OVCH1: variants seen among roughly 807,000 people sequenced by gnomAD.
OVCH1 encodes the protein ovochymase-1.
Under a neutral mutation model 138.4 loss-of-function variants are expected in OVCH1, and 139 were observed. The ratio of observed to expected loss-of-function variants is 1.00; its 90% confidence interval spans 0.87 to 1.16. The LOEUF is 1.16. Ranked by LOEUF, OVCH1 falls within the 50% of genes most tolerant of loss-of-function variation. The pLI is 0.00. For missense variants in OVCH1, 1,367 were observed against 1,357.9 expected, an observed-to-expected ratio of 1.01 and a Z score of -0.11; for synonymous variants, 453 against 467.8, an observed-to-expected ratio of 0.97 and a Z score of 0.41.
chr12:29,490,816 T>C (rs1943252817), intron 5 of OVCH1, among the ~76,000 whole-genome samples: 1 of 152,220 alleles, frequency 6.6e-6, no homozygotes, highest in Non-Finnish European at 1.5e-5. Context: ...CTATTGTTGC[T>C]ATTTCCTGAT....
intron 8 of OVCH1, among the ~76,000 whole-genome samples, chr12:29,483,501 C>G (rs1942999299): frequency 6.6e-6 from 1 of 152,188 alleles, no homozygotes; most frequent in African/African-American, 2.4e-5. Context: ...ATCTTTCCAT[C>G]ATTTTAGTTT....
chr12:29,430,987 T>C (rs1941257644), intron 27 of OVCH1: 1 of 470,670 alleles, frequency 2.1e-6, no homozygotes, highest in Admixed American at 2.3e-5. Flanking sequence ...AAGGCTATGA[T>C]TGTATTTAAT....
chr12:29,476,358 A>C, intron 12 of OVCH1, 59 bp from the exon 13 acceptor site: 1 of 1,377,324 alleles, frequency 7.3e-7, no homozygotes, highest in South Asian at 1.2e-5. Context: ...AGAAGCTTAA[A>C]GGGTTTTCCT....
downstream of OVCH1, among the ~76,000 whole-genome samples, chr12:29,410,970 T>A (rs1383862246): frequency 6.6e-6 from 1 of 152,060 alleles, no homozygotes; most frequent in African/African-American, 2.4e-5. Flanking sequence ...GATTTGGTCT[T>A]TTCACATAGT....
At chr12:29,497,453 ACCTTC>A (rs1283623327) in intron 1 of OVCH1, among the ~76,000 whole-genome samples, 165 bp downstream of exon 1, 1 of 152,098 alleles carries the variant, frequency 6.6e-6, no homozygotes, top group East Asian at 1.9e-4. Context: ...TCTGGCCCAG[ACCTTC>A]CTTTGGGGAC....
intron 6 of OVCH1, among the ~76,000 whole-genome samples, chr12:29,488,620 C>CAAAA (rs67595567): frequency 0.014 from 825 of 59,618 alleles, no homozygotes; most frequent in Non-Finnish European, 0.017. Flanking sequence ...GACTCCATCT[C>CAAAA]AAAAAAAAAA....
Position 29,486,246 on chromosome 12 carries a change from A to C in OVCH1, c.995T>G (p.Ile332Ser), listed in dbSNP as rs748202361. 1.9e-6 allele frequency: 3 copies of C among 1,608,224 alleles called. No individual in the cohort carries two copies. Among genetic ancestry groups the C allele is most frequent in the Non-Finnish European group, 1.7e-6 (2 of 1,174,828 alleles). Residue 332 changes from isoleucine (I) to serine (S), a missense_variant and splice_region_variant, in exon 8 of 28, where the codon ATT becomes AGT. Coordinates refer to ENST00000318184, the Ensembl canonical transcript of OVCH1. ...CTTCCTTCTCTAATTAGAACCACAC[A>C]TACCCTTTCCTCTCTGGCTTCCATT...
At chr12:29,472,991 A>T in intron 15 of OVCH1, 38 bp downstream of exon 15, 1 of 1,523,568 alleles carries the variant, frequency 6.6e-7, no homozygotes, top group Non-Finnish European at 9.0e-7. Flanking sequence ...ATGAAGAAAC[A>T]AGATTAAACA....
At chr12:29,467,795 G>T (rs983619052) in intron 16 of OVCH1, among the ~76,000 whole-genome samples, 6 of 152,144 alleles carry the variant, frequency 3.9e-5, no homozygotes, top group Middle Eastern at 3.2e-3. Context: ...GAAATTCTCA[G>T]GCCCCACACC....
At chr12:29,469,303 C>A (rs1181553116) in intron 16 of OVCH1, among the ~76,000 whole-genome samples, 1 of 152,068 alleles carries the variant, frequency 6.6e-6, no homozygotes, top group Non-Finnish European at 1.5e-5. Context: ...TTCCCCAAAT[C>A]CATAACCTCA....
intron 25 of OVCH1, among the ~76,000 whole-genome samples, 188 bp from the exon 26 acceptor site, chr12:29,440,932 A>T (rs1016180039): frequency 3.9e-5 from 6 of 152,174 alleles, no homozygotes; most frequent in Middle Eastern, 3.2e-3. Flanking sequence ...AAAGCCATAC[A>T]TCCTCTTTCT....
chr12:29,403,803 G>A, the OVCH1 span, among the ~76,000 whole-genome samples: 2 of 152,308 alleles, frequency 1.3e-5, no homozygotes, highest in East Asian at 3.9e-4. Flanking sequence ...ATCCCTGTGA[G>A]TAAAGTTAAG....
the OVCH1 span, among the ~76,000 whole-genome samples, chr12:29,403,694 C>T: frequency 6.6e-6 from 1 of 152,246 alleles, no homozygotes; most frequent in South Asian, 2.1e-4. Context: ...AATTGACGTG[C>T]CTGATAAATA....
chr12:29,443,248 T>C (rs981887969), intron 25 of OVCH1, 113 bp downstream of exon 25: 7 of 1,031,532 alleles, frequency 6.8e-6, no homozygotes, highest in Non-Finnish European at 9.5e-6. Context: ...CAACATCCTA[T>C]AAGAAGAGAC....
chr12:29,471,881 T>C (rs761510399), exon 16 of OVCH1: 10 of 1,613,144 alleles, frequency 6.2e-6, no homozygotes, highest in Non-Finnish European at 5.1e-6. Flanking sequence ...CCTAGAAACC[T>C]CAGACCCACC....
At chr12:29,419,578 G>A (rs1160172451) in intron 3 of OVCH1, among the ~76,000 whole-genome samples, 1 of 152,082 alleles carries the variant, frequency 6.6e-6, no homozygotes, top group Non-Finnish European at 1.5e-5. Context: ...ACAGGCATGA[G>A]CCACTGCGCC....
At chr12:29,459,185 A>G (rs745725119) in intron 19 of OVCH1, among the ~76,000 whole-genome samples, 30 of 152,202 alleles carry the variant, frequency 2.0e-4, no homozygotes, top group Admixed American at 1.0e-3. Context: ...CTGCACTCCC[A>G]TGTCTATTGC....
At chr12:29,455,320 ACACAGCCAGCTC>A (rs1301011281) in exon 20 of OVCH1, 2 of 1,613,736 alleles carry the variant, frequency 1.2e-6, no homozygotes, top group African/African-American at 2.7e-5. Flanking sequence ...CCATGGCTGG[ACACAGCCAGCTC>A]CCCAGCTGAC....
At chr12:29,445,604 G>T (rs1941593027) in intron 22 of OVCH1, among the ~76,000 whole-genome samples, 1 of 151,884 alleles carries the variant, frequency 6.6e-6, no homozygotes, top group Non-Finnish European at 1.5e-5. Flanking sequence ...CTTCAACTTG[G>T]GTCCATGTAT....
Sources: gnomAD v4.1 joint callset for allele counts (sites outside exome capture counted in the v4.1 genomes callset) on GRCh38, gnomAD v4.1.1 for gene constraint, MANE v1.5 for transcripts, NCBI Gene and HGNC (gene_info 2026-07-23, HGNC 2026-07-21) for gene names.